Variants in NUTM1 observed in about 807,000 individuals in gnomAD.
NUTM1 encodes NUT midline carcinoma family member 1.
In NUTM1, 39 loss-of-function variants were observed where a neutral mutation model predicts 88.7. The ratio of observed to expected loss-of-function variants is 0.44; its 90% CI spans 0.34 to 0.57. NUTM1 has a LOEUF of 0.57. Ranked by LOEUF, NUTM1 falls within the 20% of genes least tolerant of loss-of-function variation. The probability of loss-of-function intolerance (pLI) is 0.01; values close to 1 mark genes in which losing one functional copy is unlikely to be tolerated. For missense variants in NUTM1, 1,350 were observed against 1,414.5 expected (o/e 0.95, Z 0.73); for synonymous variants, 494 against 538.0 (o/e 0.92, Z 1.13).
chr15:34,354,477 A>T lies in NUTM1; in HGVS notation c.1107A>T (p.Thr369=). 6.2e-7 allele frequency: 1 copy of T among 1,613,992 alleles called. No homozygotes were observed. Residue 369 remains threonine (T), a synonymous_variant, in exon 6 of 8, where the codon ACA becomes ACT. Coordinates refer to ENST00000537011, the MANE Select transcript of NUTM1 (RefSeq NM_001284292.2). ...VYIPKKAASK[T]RAPRRRQRKA... ...TTCCGAAGAAGGCAGCCTCCAAGAC[A>T]CGGGCCCCCCGCCGGCGTCAGCGTA...
intron 2 of NUTM1, among the ~76,000 whole-genome samples, chr15:34,347,185 A>C (rs1169713972): frequency 6.6e-6 from 1 of 151,914 alleles, no homozygotes; most frequent in African/African-American, 2.4e-5. Flanking sequence ...TGGAAGGCTG[A>C]GGCAGGAGGA....
At chr15:34,354,905 C>T in intron 6 of NUTM1, 116 bp from the exon 7 acceptor site, 2 of 1,022,064 alleles carry the variant, frequency 2.0e-6, no homozygotes, top group Non-Finnish European at 3.0e-6. Flanking sequence ...GGTCAGTTTA[C>T]AATACCGGAG....
intron 1 of NUTM1, among the ~76,000 whole-genome samples, chr15:34,344,594 C>G (rs1464192942): frequency 6.6e-6 from 1 of 151,138 alleles, no homozygotes; most frequent in Non-Finnish European, 1.5e-5. Flanking sequence ...ACAGATGATA[C>G]TGGTTTCCTC....
chr15:34,357,442 G>A lies in NUTM1; in HGVS notation c.3434G>A (p.Cys1145Tyr). ...CCCTCACAGCCTCGTAAAAGGCGGT[G>A]TGACAGTTTTGTCACGGGCAGAAGG... The part of the protein sequence containing the change: ...VRPSQPRKRR[C>Y]DSFVTGRRKK... Residue 1145 changes from cysteine to tyrosine, a missense_variant, in exon 8 of 8, where the codon TGT becomes TAT. This residue lies in a region of NUTM1 where 730 missense variants were observed against 728.8 expected (regional missense o/e 1.00). Transcript: ENST00000537011. 1 of 1,613,286 alleles carries A rather than the reference G, an allele frequency of 6.2e-7. No homozygotes were observed. The highest frequency in any genetic ancestry group is 1.7e-4 in the Middle Eastern group (1 of 6,056).
rs1364578214 is a variant in NUTM1 at position 34,355,800 on chromosome 15, G to T, written c.1792G>T (p.Ala598Ser). 1 of 1,614,090 alleles carries T rather than the reference G, an allele frequency of 6.2e-7. No homozygotes were observed. Among genetic ancestry groups the T allele is most frequent in the Non-Finnish European group, 8.5e-7 (1 of 1,180,046 alleles). ...CAGCTGGGACCTGCAGCCAGAACTT[G>T]CAGCTCCACAGGGAACTCCGGGACC... ...PSSWDLQPEL[A>S]APQGTPGPLG... The change falls in exon 8 of 8, where the codon GCA (alanine) becomes TCA (serine). Residue 598 changes from alanine to serine, a missense_variant. Ala to Ser is a moderately conservative substitution (Grantham distance 99). Coordinates refer to ENST00000537011, the MANE Select transcript of NUTM1 (RefSeq NM_001284292.2). The surrounding 1 kb of genome is among the most constrained non-coding windows in gnomAD (Gnocchi z 4.3).
At chr15:34,345,725 G>A in intron 1 of NUTM1, 1 of 567,140 alleles carries the variant, frequency 1.8e-6, no homozygotes, top group Non-Finnish European at 3.0e-6. Flanking sequence ...GCCCTAAAGA[G>A]GCAAACATCA....
At chr15:34,347,235 T>C (rs958468813) in intron 2 of NUTM1, among the ~76,000 whole-genome samples, 1 of 150,552 alleles carries the variant, frequency 6.6e-6, no homozygotes, top group Non-Finnish European at 1.5e-5. Flanking sequence ...CTAGGCAACA[T>C]AGCGAGACGT....
rs1330697924 is a variant in NUTM1 at position 34,348,477 on chromosome 15, G to A, written c.609G>A (p.Leu203=). The change falls in exon 3 of 8, where the codon CTG becomes CTA. Residue 203 remains leucine, a synonymous_variant. Coordinates refer to ENST00000537011, the MANE Select transcript of NUTM1 (RefSeq NM_001284292.2). ...CTCAACTGGTCCCCATTGTGCCCCT[G>A]GAAAAAGCTTGGCCAGGGCCACATG... ...PVAQLVPIVP[L]EKAWPGPHGT... is the part of the protein sequence containing the mutation. 14 of 1,614,022 alleles carry A rather than the reference G, an allele frequency of 8.7e-6. No homozygotes were observed. Among genetic ancestry groups the A allele is most frequent in the Non-Finnish European group, 1.1e-5 (13 of 1,179,998 alleles).
At chr15:34,344,758 C>T (rs539407377) in intron 1 of NUTM1, among the ~76,000 whole-genome samples, 23 of 152,226 alleles carry the variant, frequency 1.5e-4, no homozygotes, top group African/African-American at 4.6e-4. Flanking sequence ...TGGCTCACGC[C>T]TAGTAATCCC....
Position 34,355,496 on chromosome 15 carries a change from G to A in NUTM1, c.1488G>A (p.Gln496=), listed in dbSNP as rs952592093. The A allele has an allele frequency of 4.3e-6, 7 of 1,614,096 alleles. No homozygotes were observed. In the East Asian group the frequency reaches 1.3e-4, roughly 31 times the overall value. The part of the protein sequence containing the change: ...EEGLTLAQLV[Q]KRLMALEEEE... ...TTGTTCATTTCTTTCAGCTGGTCCA[G>A]AAGCGACTCATGGCCTTGGAAGAGG... The change falls in exon 8 of 8, where the codon CAG becomes CAA. Residue 496 remains glutamine, a synonymous_variant. Coordinates refer to ENST00000537011, the MANE Select transcript of NUTM1 (RefSeq NM_001284292.2). The surrounding 1 kb of genome is among the most constrained non-coding windows in gnomAD (Gnocchi z 4.3).
rs1205694497 is a variant in NUTM1, at chr15:34,343,581, A to C, written c.-116A>C. ...CGGTAAAGAATGCATGTTGAGTATC[A>C]ATATTCCGTAAAGCGAAAGAGCGTA... On this transcript the variant is annotated 5_prime_UTR_variant, in exon 1 of 8. Transcript: ENST00000537011. 31 of 1,534,352 alleles carry C rather than the reference A, an allele frequency of 2.0e-5. No individual in the cohort carries two copies. The highest frequency in any genetic ancestry group is 2.7e-5 in the Non-Finnish European group (31 of 1,145,900).
In NUTM1 at chr15:34,355,575, CCTT is replaced by C. The variant is rs1236560639; in HGVS notation, c.1570_1572del (p.Ser524del). 1 of 1,614,190 alleles carries C rather than the reference CCTT, an allele frequency of 6.2e-7. No individual in the cohort carries two copies. Among genetic ancestry groups the C allele is most frequent in the Admixed American group, 1.7e-5 (1 of 60,026 alleles). On this transcript the variant is annotated inframe_deletion, in exon 8 of 8. Transcript: ENST00000537011. This position sits in a 1 kb window ranked among gnomAD's most constrained non-coding sequence, Gnocchi z 4.3. The stretch of plus-strand genomic sequence containing the variant: ...CAGTGGCGCTCAGTTGGACTCAAGT[CCTT>C]CTGGTTCTGTTGAGGATGAAGATGG...
rs149024396 is a variant in NUTM1 at position 34,356,577 on chromosome 15, G to A, written c.2569G>A (p.Val857Ile). The A allele has an allele frequency of 1.1e-5, 18 of 1,613,834 alleles. No individual in the cohort carries two copies. Among genetic ancestry groups the A allele is most frequent in the African/African-American group, 4.0e-5 (3 of 74,828 alleles). The part of the protein sequence containing the change: ...KENQEQSCET[V>I]GHPSDLWAEG... ...AAATCAAGAACAGAGCTGTGAAACC[G>A]TAGGGCATCCCAGTGATCTGTGGGC... Residue 857 changes from valine (V) to isoleucine (I), a missense_variant, in exon 8 of 8, where the codon GTA (valine) becomes ATA (isoleucine). Val to Ile is a conservative substitution (Grantham distance 29). Coordinates refer to ENST00000537011, the MANE Select transcript of NUTM1 (RefSeq NM_001284292.2).
chr15:34,354,556 G>C lies in NUTM1; in HGVS notation c.1186G>C (p.Val396Leu). ...EAPKEIPPEAVKEYVDIMEWL... is the reference protein window; with the variant it reads ...EAPKEIPPEALKEYVDIMEWL... ...ACCCAAGGAGATCCCACCAGAAGCT[G>C]TGAAGGAGTATGTTGACATCATGGA... The change falls in exon 6 of 8, where the codon GTG becomes CTG. Residue 396 changes from valine (V) to leucine (L), a missense_variant. Val to Leu is a conservative substitution (Grantham distance 32, BLOSUM62 1). Coordinates refer to ENST00000537011, the MANE Select transcript of NUTM1 (RefSeq NM_001284292.2). 6.2e-7 allele frequency: 1 copy of C among 1,614,210 alleles called. No individual in the cohort carries two copies. The highest frequency in any genetic ancestry group is 1.1e-5 in the South Asian group (1 of 91,082).
chr15:34,355,682 A>G lies in NUTM1; in HGVS notation c.1674A>G (p.Gly558=), dbSNP rs1250324227. The G allele has an allele frequency of 6.2e-7, 1 of 1,608,564 alleles. No homozygotes were observed. The highest frequency in any genetic ancestry group is 8.5e-7 in the Non-Finnish European group (1 of 1,177,004). The part of the protein sequence containing the change: ...AACLGKVSSS[G]KRAREVHGGQ... ...GCCTTGGAAAGGTTTCTTCTTCAGG[A>G]AAACGGGCAAGAGAAGTGCATGGTG... Residue 558 remains glycine, a synonymous_variant, in exon 8 of 8, where the codon GGA becomes GGG. Transcript: ENST00000537011. This position sits in a 1 kb window ranked among gnomAD's most constrained non-coding sequence, Gnocchi z 4.3.
chr15:34,353,102 G>A (rs1055897789), intron 4 of NUTM1, among the ~76,000 whole-genome samples: 2 of 151,736 alleles, frequency 1.3e-5, no homozygotes, highest in African/African-American at 4.8e-5. Flanking sequence ...GGCCAGGCTG[G>A]TCTCGAACTC....
At chr15:34,354,254 T>G (rs1890758466) in intron 5 of NUTM1, among the ~76,000 whole-genome samples, 192 bp from the exon 6 acceptor site, 1 of 152,204 alleles carries the variant, frequency 6.6e-6, no homozygotes, top group African/African-American at 2.4e-5. Flanking sequence ...TTTTTCAGGT[T>G]GGCCCAATCC....
At chr15:34,353,611 T>C in intron 4 of NUTM1, 125 bp from the exon 5 acceptor site, 2 of 1,115,992 alleles carry the variant, frequency 1.8e-6, no homozygotes, top group South Asian at 3.0e-5. Context: ...CTGGGTGACA[T>C]GACTTAGGCA....
Position 34,357,235 on chromosome 15 carries a change from G to A in NUTM1, c.3227G>A (p.Ser1076Asn), listed in dbSNP as rs1168441498. The stretch of plus-strand genomic sequence containing the variant: ...CACCATGCCTCAGGAGGTCAGGGCA[G>A]CCAGAGAGCATCCCACCTGCTCCCT... ...SPHHASGGQG[S>N]QRASHLLPAG... The change falls in exon 8 of 8, where the codon AGC (serine) becomes AAC (asparagine). Residue 1076 changes from serine to asparagine, a missense_variant. Around this residue, in one of 5 missense-constraint regions of NUTM1, gnomAD observed 730 missense variants for 728.8 expected, o/e 1.00. Coordinates refer to ENST00000537011, the MANE Select transcript of NUTM1 (RefSeq NM_001284292.2). 1.9e-6 allele frequency: 3 copies of A among 1,614,030 alleles called. No homozygotes were observed. Among genetic ancestry groups the A allele is most frequent in the Non-Finnish European group, 2.5e-6 (3 of 1,180,034 alleles).
Sources: allele counts gnomAD v4.1 joint callset (sites outside exome capture counted in the v4.1 genomes callset), GRCh38; gene constraint gnomAD v4.1.1; regional missense constraint gnomAD v4.1.1; non-coding constraint Gnocchi (gnomAD v3.1); transcripts MANE v1.5; gene names NCBI Gene and HGNC (gene_info 2026-07-23, HGNC 2026-07-21).